RNF138: variants seen among roughly 807,000 people sequenced by gnomAD.
RNF138 encodes ring finger protein 138, also known as E3 ubiquitin-protein ligase RNF138.
Under a neutral mutation model 31.0 loss-of-function variants are expected in RNF138, and 12 were observed. The ratio of observed to expected loss-of-function variants is 0.39; its 90% CI spans 0.25 to 0.63. RNF138 has a LOEUF of 0.63. Ranked by LOEUF, RNF138 falls within the 20% of genes least tolerant of loss-of-function variation. The probability of loss-of-function intolerance (pLI) is 0.52; values close to 1 mark genes in which losing one functional copy is unlikely to be tolerated. For missense variants in RNF138, 192 were observed against 300.1 expected, an observed-to-expected ratio of 0.64 and a Z score of 2.66; for synonymous variants, 105 against 99.5, an observed-to-expected ratio of 1.06 and a Z score of -0.33.
intron 2 of RNF138, among the ~76,000 whole-genome samples, chr18:32,101,534 A>G (rs2039940438): frequency 6.6e-6 from 1 of 152,014 alleles, no homozygotes; most frequent in South Asian, 2.1e-4. Flanking sequence ...TAGTTTCCTC[A>G]TCTGTAAAAT....
At chr18:32,107,116 CTT>C (rs58774714) in intron 2 of RNF138, among the ~76,000 whole-genome samples, 9 of 100,576 alleles carry the variant, frequency 8.9e-5, no homozygotes, top group Admixed American at 1.4e-4. Flanking sequence ...TCCTTTTTTC[CTT>C]TTTTTTTTTT....
At chr18:32,104,772 A>G (rs937541273) in intron 2 of RNF138, among the ~76,000 whole-genome samples, 8 of 152,328 alleles carry the variant, frequency 5.3e-5, no homozygotes, top group Admixed American at 1.3e-4. Context: ...AGAACATGAC[A>G]TTTATGGTTA....
intron 4 of RNF138, among the ~76,000 whole-genome samples, chr18:32,114,251 T>G (rs2040180077): frequency 6.6e-6 from 1 of 152,308 alleles, no homozygotes; most frequent in Admixed American, 6.5e-5. Context: ...AGGGATAGAC[T>G]TAGAGTTTGA....
intron 6 of RNF138, chr18:32,125,326 T>A (rs974464069): frequency 3.9e-5 from 6 of 152,640 alleles, no homozygotes; most frequent in African/African-American, 1.4e-4. Flanking sequence ...GACTTTGTAT[T>A]TGATGCCTAC....
chr18:32,105,287 C>T (rs1217343844), intron 2 of RNF138, among the ~76,000 whole-genome samples: 1 of 152,042 alleles, frequency 6.6e-6, no homozygotes, highest in African/African-American at 2.4e-5. Context: ...AGACAGGTTT[C>T]ACCATGTTGG....
At chr18:32,109,885 C>G (rs1396017197) in intron 2 of RNF138, among the ~76,000 whole-genome samples, 1 of 151,624 alleles carries the variant, frequency 6.6e-6, no homozygotes, top group African/African-American at 2.4e-5. Context: ...GGCTCTGTCT[C>G]AAAAAAATAA....
chr18:32,093,303 G>A (rs1429005417), intron 2 of RNF138, among the ~76,000 whole-genome samples: 3 of 152,104 alleles, frequency 2.0e-5, no homozygotes, highest in Non-Finnish European at 2.9e-5. Flanking sequence ...CTGGGGTGTC[G>A]AGTGTCAAAA....
chr18:32,092,934 CCCGGCCT>C (rs1432491179), intron 2 of RNF138, 48 bp downstream of exon 2: 3 of 1,156,728 alleles, frequency 2.6e-6, no homozygotes, highest in African/African-American at 3.2e-5. Context: ...GTCGCTTAGG[CCCGGCCT>C]CCGGCCCGGG....
chr18:32,094,816 A>G (rs1002238883), intron 2 of RNF138, among the ~76,000 whole-genome samples: 2 of 152,188 alleles, frequency 1.3e-5, no homozygotes, highest in African/African-American at 4.8e-5. Context: ...TTTTTTGGAT[A>G]GAATCATTCT....
chr18:32,112,681 TAAA>T (rs542076466), intron 3 of RNF138, among the ~76,000 whole-genome samples: 2,180 of 151,842 alleles, frequency 0.014, 18 homozygotes, highest in South Asian at 0.028. Context: ...AAACGCTGTC[TAAA>T]AAAAAAGAAG....
At position 32,096,600 on chromosome 18, in the gene RNF138, G is replaced by A. The variant is rs556550700; in HGVS notation, c.110+3714G>A. Among the ~76,000 whole-genome samples, 171 of 152,280 alleles carry A rather than the reference G, an allele frequency of 1.1e-3. No individual in the cohort carries two copies. In the Middle Eastern group the frequency reaches 0.014, roughly 12 times the overall value. On this transcript the variant is annotated intron_variant, in intron 2 of 7. Coordinates refer to ENST00000261593, the MANE Select transcript of RNF138 (RefSeq NM_016271.5). ...AGAAAATTGCAGCCAGACAAGGAAC[G>A]AACAGAAGGATAGGAAGAAAACCAG...
chr18:32,119,297 GC>G (rs2040265773), intron 4 of RNF138, among the ~76,000 whole-genome samples: 1 of 152,234 alleles, frequency 6.6e-6, no homozygotes, highest in East Asian at 1.9e-4. Context: ...GCAGGGTCTC[GC>G]TATGTTTCCC....
intron 4 of RNF138, among the ~76,000 whole-genome samples, chr18:32,121,194 A>G (rs2040300130): frequency 6.6e-6 from 1 of 151,888 alleles, no homozygotes; most frequent in Admixed American, 6.6e-5. Context: ...ATAGGATAAA[A>G]TAAAAATTTT....
At chr18:32,093,900 A>G (rs2039756045) in intron 2 of RNF138, among the ~76,000 whole-genome samples, 2 of 152,200 alleles carry the variant, frequency 1.3e-5, no homozygotes, top group Admixed American at 1.3e-4. Context: ...GCTCCATTTC[A>G]AACTTAACAA....
At chr18:32,117,679 A>C (rs1173876774) in intron 4 of RNF138, among the ~76,000 whole-genome samples, 2 of 152,214 alleles carry the variant, frequency 1.3e-5, no homozygotes, top group African/African-American at 2.4e-5. Context: ...AGCCATCTAA[A>C]ATAATCTGTG....
chr18:32,117,780 G>A (rs1400978393), intron 4 of RNF138, among the ~76,000 whole-genome samples: 1 of 152,112 alleles, frequency 6.6e-6, no homozygotes, highest in Admixed American at 6.6e-5. Flanking sequence ...GCATTGGTGT[G>A]GGGTAGTTTC....
intron 4 of RNF138, 97 bp downstream of exon 4, chr18:32,113,957 G>C: frequency 1.6e-6 from 1 of 642,098 alleles, no homozygotes; most frequent in South Asian, 1.9e-5. Context: ...ATGTGTGTGT[G>C]TGTATGTGCA....
chr18:32,092,885 G>C lies in RNF138; in HGVS notation c.109G>C (p.Val37Leu). ...CGTGCGGACCACGGCCTGTCAGCAC[G>C]TGTGAGTAGACGCCCCCTCCCCCTC... Reference protein sequence around the residue: ...TPVRTTACQHVFCRKCFLTAM... With the variant: ...TPVRTTACQHLFCRKCFLTAM... The change falls in exon 2 of 8, where the codon GTT becomes CTT. Residue 37 changes from valine (V) to leucine (L), a missense_variant and splice_region_variant. Physicochemically the swap from Val to Leu is conservative, Grantham distance 32. Coordinates refer to ENST00000261593, the MANE Select transcript of RNF138 (RefSeq NM_016271.5). 4 of 1,538,490 alleles carry C rather than the reference G, an allele frequency of 2.6e-6. No individual in the cohort carries two copies. The highest frequency in any genetic ancestry group is 3.5e-6 in the Non-Finnish European group (4 of 1,139,632).
In RNF138 at chr18:32,093,075, C is replaced by G. The variant is rs942405684; in HGVS notation, c.110+189C>G. Among the ~76,000 whole-genome samples, 15 of 151,114 alleles carry G rather than the reference C, an allele frequency of 9.9e-5. No homozygotes were observed. In the East Asian group the frequency reaches 2.5e-3, roughly 26 times the overall value. On this transcript the variant is annotated intron_variant, in intron 2 of 7. Coordinates refer to ENST00000261593, the MANE Select transcript of RNF138 (RefSeq NM_016271.5). ...CGGCCTTTTCCTCAGCCTCGGGGCCCGCTCCCCGCGTCCAGCCCCCTCAGC... is the reference window on the plus strand; with the variant it reads ...CGGCCTTTTCCTCAGCCTCGGGGCCGGCTCCCCGCGTCCAGCCCCCTCAGC...
Sources: allele counts gnomAD v4.1 joint callset (sites outside exome capture counted in the v4.1 genomes callset), GRCh38; gene constraint gnomAD v4.1.1; transcripts MANE v1.5; gene names NCBI Gene and HGNC (gene_info 2026-07-23, HGNC 2026-07-21).